The following CHCHD3 variants were observed in gnomAD, a reference collection of about 807,000 sequenced individuals.
CHCHD3 encodes coiled-coil-helix-coiled-coil-helix domain containing 3, also known as MICOS complex subunit MIC19.
A neutral mutation model predicts 38.2 loss-of-function variants in CHCHD3; 20 were observed. That is an observed-to-expected ratio of 0.52 (90% CI 0.37 to 0.76). The LOEUF (loss-of-function observed/expected upper bound fraction) is 0.76. CHCHD3 is among the 30% of genes least tolerant of loss of function. The probability of loss-of-function intolerance (pLI) is 0.00; values close to 1 mark genes in which losing one functional copy is unlikely to be tolerated. For missense variants in CHCHD3, 245 were observed against 279.2 expected, an observed-to-expected ratio of 0.88 and a Z score of 0.87; for synonymous variants, 82 against 100.0, an observed-to-expected ratio of 0.82 and a Z score of 1.07.
chr7:132,980,335 A>T (rs1351587477), intron 3 of CHCHD3, among the ~76,000 whole-genome samples: 1 of 152,246 alleles, frequency 6.6e-6, no homozygotes, highest in Non-Finnish European at 1.5e-5. Flanking sequence ...CTCAAAACAA[A>T]ACTAAACATG....
At chr7:132,959,355 T>G (rs1811255247) in intron 4 of CHCHD3, among the ~76,000 whole-genome samples, 1 of 152,260 alleles carries the variant, frequency 6.6e-6, no homozygotes, top group Admixed American at 6.5e-5. Flanking sequence ...CACTTGCTTC[T>G]GTCCTATCTT....
rs76827182 is a variant in CHCHD3, at chr7:132,920,104, G to A, written c.370-34359C>T. ...TATAACATGAGTAGTCCATGGAGCAGGGCTGTATAAATGAATACACAAAGA... is the reference window on the plus strand; with the variant it reads ...TATAACATGAGTAGTCCATGGAGCAAGGCTGTATAAATGAATACACAAAGA... On this transcript the variant is annotated intron_variant, in intron 4 of 7. Coordinates refer to ENST00000262570, the MANE Select transcript of CHCHD3 (RefSeq NM_017812.4). 6.1e-3 allele frequency among the ~76,000 whole-genome samples: 930 copies of A among 152,254 alleles called. 12 individuals carry two copies. The highest frequency in any genetic ancestry group is 0.021 in the African/African-American group (869 of 41,538).
At chr7:133,033,773 G>T (rs1183999213) in intron 2 of CHCHD3, among the ~76,000 whole-genome samples, 2 of 152,018 alleles carry the variant, frequency 1.3e-5, no homozygotes, top group Non-Finnish European at 2.9e-5. Context: ...ATTTTGCCCG[G>T]TCCACTTATA....
At chr7:132,938,942 C>A (rs1255285859) in intron 4 of CHCHD3, among the ~76,000 whole-genome samples, 1 of 152,178 alleles carries the variant, frequency 6.6e-6, no homozygotes, top group Non-Finnish European at 1.5e-5. Context: ...TGGTGAGTGT[C>A]ATTCTTGATC....
At chr7:132,887,519 C>T (rs918479363) in intron 4 of CHCHD3, among the ~76,000 whole-genome samples, 1 of 150,628 alleles carries the variant, frequency 6.6e-6, no homozygotes, top group Non-Finnish European at 1.5e-5. Context: ...AAGCAAGTAA[C>T]AAAAACAGGA....
intron 2 of CHCHD3, among the ~76,000 whole-genome samples, chr7:133,066,876 T>A (rs1814685125): frequency 6.6e-6 from 1 of 152,192 alleles, no homozygotes; most frequent in Admixed American, 6.5e-5. Flanking sequence ...TTTCCTTAGT[T>A]CAAGCAGAAC....
intron 4 of CHCHD3, among the ~76,000 whole-genome samples, chr7:132,898,315 G>A (rs2117197204): frequency 6.6e-6 from 1 of 152,290 alleles, no homozygotes; most frequent in Non-Finnish European, 1.5e-5. Flanking sequence ...GAGCCGAGTG[G>A]TCTGTTTTGA....
At chr7:132,822,547 A>T (rs555674237) in intron 6 of CHCHD3, among the ~76,000 whole-genome samples, 24 of 152,218 alleles carry the variant, frequency 1.6e-4, no homozygotes, top group African/African-American at 5.1e-4. Context: ...ACTGACCTGT[A>T]TAGAGTTGAG....
At chr7:132,936,352 T>C (rs1207256570) in intron 4 of CHCHD3, among the ~76,000 whole-genome samples, 1 of 152,190 alleles carries the variant, frequency 6.6e-6, no homozygotes, top group Non-Finnish European at 1.5e-5. Context: ...GAAATTCATC[T>C]AATTCTGGAA....
chr7:132,997,659 TAA>T (rs71178073), intron 3 of CHCHD3, among the ~76,000 whole-genome samples: 353 of 81,700 alleles, frequency 4.3e-3, no homozygotes, highest in South Asian at 0.018. Context: ...AACAGGGTTG[TAA>T]AAAAAAAAAA....
chr7:132,967,176 A>T (rs554819315), intron 4 of CHCHD3, among the ~76,000 whole-genome samples: 120 of 152,330 alleles, frequency 7.9e-4, no homozygotes, highest in Admixed American at 2.7e-3. Context: ...TTTCAAAATC[A>T]CACTTAGAAA....
chr7:133,027,542 T>C (rs1279340636), intron 2 of CHCHD3, among the ~76,000 whole-genome samples: 1 of 152,048 alleles, frequency 6.6e-6, no homozygotes, highest in Non-Finnish European at 1.5e-5. Context: ...AATCCCACCA[T>C]GGCCATCAAC....
chr7:132,796,531 G>T lies in CHCHD3; in HGVS notation c.571C>A (p.Leu191Ile), dbSNP rs756119546. Residue 191 changes from leucine to isoleucine, a missense_variant, in exon 7 of 8, where the codon CTT becomes ATT. Transcript: ENST00000262570. The stretch of plus-strand genomic sequence containing the variant: ...TGGGTGTTCTCACGGTAACACTGAA[G>T]AATTTTGGCCTGCAGATCAGCACAG... ...PVCADLQAKI[L>I]QCYRENTHQT... 4 of 1,613,714 alleles carry T rather than the reference G, an allele frequency of 2.5e-6. No homozygotes were observed. Among genetic ancestry groups the T allele is most frequent in the Non-Finnish European group, 3.4e-6 (4 of 1,179,830 alleles).
At chr7:133,032,080 A>G (rs1263952058) in intron 2 of CHCHD3, among the ~76,000 whole-genome samples, 1 of 152,196 alleles carries the variant, frequency 6.6e-6, no homozygotes, top group East Asian at 1.9e-4. Flanking sequence ...TAAAAGCTAC[A>G]GGGTTTGATT....
chr7:132,842,870 C>A (rs768204122), intron 5 of CHCHD3, among the ~76,000 whole-genome samples: 57 of 152,112 alleles, frequency 3.7e-4, no homozygotes, highest in Non-Finnish European at 4.6e-4. Flanking sequence ...CACAACAAAG[C>A]TACCATTTTT....
intron 6 of CHCHD3, among the ~76,000 whole-genome samples, chr7:132,810,864 T>C (rs1056469661): frequency 1.3e-5 from 2 of 152,212 alleles, no homozygotes; most frequent in Admixed American, 6.5e-5. Flanking sequence ...TGAGTATGTC[T>C]GGAGAAAAAT....
At chr7:132,896,929 T>C (rs942236336) in intron 4 of CHCHD3, among the ~76,000 whole-genome samples, 7 of 152,202 alleles carry the variant, frequency 4.6e-5, no homozygotes, top group Admixed American at 4.6e-4. Context: ...TGTGATTATA[T>C]GGACTTAGAG....
At chr7:133,064,015 T>C (rs1242822614) in intron 2 of CHCHD3, among the ~76,000 whole-genome samples, 2 of 152,234 alleles carry the variant, frequency 1.3e-5, no homozygotes. Flanking sequence ...ACTCTTTCTC[T>C]AAATTCCTAA....
At chr7:133,046,384 A>G (rs1165078252) in intron 2 of CHCHD3, among the ~76,000 whole-genome samples, 3 of 152,262 alleles carry the variant, frequency 2.0e-5, no homozygotes, top group African/African-American at 7.2e-5. Context: ...ACACATTTTC[A>G]TAACACATTA....
Sources: allele counts gnomAD v4.1 joint callset (sites outside exome capture counted in the v4.1 genomes callset), GRCh38; gene constraint gnomAD v4.1.1; transcripts MANE v1.5; gene names NCBI Gene and HGNC (gene_info 2026-07-23, HGNC 2026-07-21).